IL12RB1: variants seen among roughly 807,000 people sequenced by gnomAD.
IL12RB1 encodes the protein interleukin 12 receptor subunit beta 1.
In IL12RB1, 64 loss-of-function variants were observed where a neutral mutation model predicts 94.4. That is an observed-to-expected ratio of 0.68 (90% CI 0.55 to 0.83). The LOEUF (loss-of-function observed/expected upper bound fraction) is 0.83. Ranked by LOEUF, IL12RB1 falls within the 40% of genes least tolerant of loss-of-function variation. The pLI is 0.00. For missense variants in IL12RB1, 814 were observed against 855.6 expected, an observed-to-expected ratio of 0.95 and a Z score of 0.61; for synonymous variants, 362 against 355.5, an observed-to-expected ratio of 1.02 and a Z score of -0.21.
At position 18,085,840 on chromosome 19, in the gene IL12RB1, C is replaced by T. The variant is rs537735228; in HGVS notation, c.64+920G>A. On this transcript the variant is annotated intron_variant, in intron 1 of 16. Coordinates refer to ENST00000593993, the MANE Select transcript of IL12RB1 (RefSeq NM_005535.3). ...GCCAGGCTGGTCTCGAACTCCTGAC[C>T]TCAAGTGATCCACCCATCTTGGCCT... is the stretch of plus-strand genomic sequence containing the variant. Among the ~76,000 whole-genome samples, 7 of 152,064 alleles carry T rather than the reference C, an allele frequency of 4.6e-5. No individual in the cohort carries two copies. In the South Asian group the frequency reaches 1.5e-3, roughly 32 times the overall value.
chr19:18,087,850 A>G (rs1164684740), upstream of IL12RB1, among the ~76,000 whole-genome samples: 1 of 152,056 alleles, frequency 6.6e-6, no homozygotes, highest in African/African-American at 2.4e-5. Context: ...TCTGAGACTC[A>G]AGAGCTGAAG....
chr19:18,075,095 A>G (rs1028837123), intron 7 of IL12RB1, among the ~76,000 whole-genome samples: 9 of 151,714 alleles, frequency 5.9e-5, no homozygotes, highest in African/African-American at 2.2e-4. Flanking sequence ...AAACAAAAAA[A>G]ACAGCAGCAA....
At chr19:18,065,811 T>C (rs1422719848) in intron 12 of IL12RB1, among the ~76,000 whole-genome samples, 2 of 146,258 alleles carry the variant, frequency 1.4e-5, no homozygotes, top group African/African-American at 2.6e-5. Flanking sequence ...AGAGACAGAC[T>C]CCCTCTCAAA....
chr19:18,066,569 G>A lies in IL12RB1; in HGVS notation c.1456C>T (p.Arg486Ter), dbSNP rs576374797. The change falls in exon 12 of 17, where the codon CGA (arginine) becomes TGA (stop). Residue 486 changes from arginine to a stop codon, truncating the protein, a stop_gained. Coordinates refer to ENST00000593993, the MANE Select transcript of IL12RB1 (RefSeq NM_005535.3). LOFTEE classifies it high-confidence loss of function. The stretch of plus-strand genomic sequence containing the variant: ...GACACCTGTTTGCTGTCTTCATCTC[G>A]GCAGCGGACAACATACTCCTTTAGG... The part of the protein sequence containing the change: ...GVLKEYVVRC[R>*]DEDSKQVSEH... The A allele has an allele frequency of 8.1e-6, 13 of 1,613,352 alleles. No individual in the cohort carries two copies. The highest frequency in any genetic ancestry group is 4.5e-5 in the East Asian group (2 of 44,878).
chr19:18,082,065 G>A (rs1438961778), intron 3 of IL12RB1, 85 bp downstream of exon 3: 20 of 795,604 alleles, frequency 2.5e-5, no homozygotes, highest in Middle Eastern at 2.7e-4. Flanking sequence ...CCAAGATCAC[G>A]CATCCGAGAG....
intron 12 of IL12RB1, 51 bp downstream of exon 12, chr19:18,066,491 G>A (rs1039041905): frequency 5.2e-6 from 7 of 1,337,014 alleles, no homozygotes; most frequent in Middle Eastern, 1.8e-4. Flanking sequence ...AGAGATCACA[G>A]GCCAGGATCC....
intron 1 of IL12RB1, among the ~76,000 whole-genome samples, chr19:18,085,013 A>G (rs549942695): frequency 1.3e-5 from 2 of 152,324 alleles, no homozygotes; most frequent in South Asian, 4.1e-4. Flanking sequence ...AGTCAGGGCA[A>G]TTATTAATAA....
At chr19:18,084,524 A>G (rs1210872930) in intron 1 of IL12RB1, among the ~76,000 whole-genome samples, 1 of 151,894 alleles carries the variant, frequency 6.6e-6, no homozygotes, top group African/African-American at 2.4e-5. Flanking sequence ...CCATGCATTC[A>G]TTAATCCATT....
At position 18,072,362 on chromosome 19, in the gene IL12RB1, T is replaced by C; in HGVS notation, c.784-13A>G. On this transcript the variant is annotated splice_polypyrimidine_tract_variant and intron_variant, in intron 8 of 16. Coordinates refer to ENST00000593993, the MANE Select transcript of IL12RB1 (RefSeq NM_005535.3). ...CCAGCTGGGTTGGCTGTCAGGAGTA[T>C]GAAAGACAGCTTGTGGGTACCTGAT... 6.4e-7 allele frequency: 1 copy of C among 1,559,612 alleles called. No individual in the cohort carries two copies.
rs17884957 is a variant in IL12RB1 at position 18,072,116 on chromosome 19, G to A, written c.1017C>T (p.His339=). Reference sequence around the variant, plus strand: ...CTCCCCACCCAGAGGAGGCACCTGTGTGGGTGTCGGCAGGAATGTGCCACG... The same window carrying A: ...CTCCCCACCCAGAGGAGGCACCTGTATGGGTGTCGGCAGGAATGTGCCACG... ...NQTWHIPADT[H]TEPVALNISV... is the part of the protein sequence containing the mutation. Residue 339 remains histidine, a synonymous_variant, in exon 9 of 17, where the codon CAC becomes CAT. Transcript: ENST00000593993. 3.7e-6 allele frequency: 6 copies of A among 1,610,106 alleles called. No individual in the cohort carries two copies. The highest frequency in any genetic ancestry group is 3.3e-5 in the Admixed American group (2 of 59,992).
intron 4 of IL12RB1, among the ~76,000 whole-genome samples, chr19:18,079,929 TGTAA>T (rs2035769791): frequency 6.6e-6 from 1 of 152,148 alleles, no homozygotes; most frequent in South Asian, 2.1e-4. Flanking sequence ...AGATTATACA[TGTAA>T]GTGAGATCAT....
intron 1 of IL12RB1, among the ~76,000 whole-genome samples, chr19:18,094,657 A>G (rs1035756021): frequency 1.3e-5 from 2 of 152,172 alleles, no homozygotes; most frequent in Non-Finnish European, 2.9e-5. Context: ...TGAGCCCAAG[A>G]TTTTGAGATC....
intron 12 of IL12RB1, among the ~76,000 whole-genome samples, chr19:18,065,737 T>C (rs1243601609): frequency 6.6e-6 from 1 of 152,010 alleles, no homozygotes; most frequent in African/African-American, 2.4e-5. Context: ...GAGAATTGCC[T>C]GAACCCGGGA....
Position 18,080,938 on chromosome 19 carries a change from G to T in IL12RB1, c.303C>A (p.Asp101Glu). Residue 101 changes from aspartate to glutamate, a missense_variant, in exon 4 of 17, where the codon GAC becomes GAA. By Grantham distance (45) the Asp-to-Glu change is conservative (BLOSUM62 2). Transcript: ENST00000593993. ...AGSATRLQFSDQAGVSVLYTV... is the reference protein window; with the variant it reads ...AGSATRLQFSEQAGVSVLYTV... ...TGTACAGCACAGACACCCCAGCCTGGTCGGAGAACTGCAGCCTGGTGGCTG... is the reference window on the plus strand; with the variant it reads ...TGTACAGCACAGACACCCCAGCCTGTTCGGAGAACTGCAGCCTGGTGGCTG... 6.2e-7 allele frequency: 1 copy of T among 1,614,034 alleles called. No homozygotes were observed. Among genetic ancestry groups the T allele is most frequent in the Non-Finnish European group, 8.5e-7 (1 of 1,179,954 alleles).
At chr19:18,085,693 T>G (rs543284322) in intron 1 of IL12RB1, among the ~76,000 whole-genome samples, 1 of 152,174 alleles carries the variant, frequency 6.6e-6, no homozygotes, top group South Asian at 2.1e-4. Context: ...CACTGCAACC[T>G]CTGCCTCCTG....
chr19:18,090,800 G>A (rs892539312), upstream of IL12RB1: 1 of 152,540 alleles, frequency 6.6e-6, no homozygotes, highest in African/African-American at 2.4e-5. Flanking sequence ...GGAGATACAG[G>A]GCTGGGGAGG....
chr19:18,067,537 C>T (rs1016579225), intron 11 of IL12RB1, among the ~76,000 whole-genome samples: 1 of 152,100 alleles, frequency 6.6e-6, no homozygotes, highest in Non-Finnish European at 1.5e-5. Flanking sequence ...GGCGCAGTGG[C>T]TCACACCTGT....
chr19:18,069,852 G>C, intron 9 of IL12RB1, 139 bp from the exon 10 acceptor site: 1 of 680,072 alleles, frequency 1.5e-6, no homozygotes, highest in Non-Finnish European at 2.6e-6. Context: ...GTGTTTGGCT[G>C]TTTCCCTGCA....
chr19:18,082,211 A>T lies in IL12RB1; in HGVS notation c.178T>A (p.Tyr60Asn). Residue 60 changes from tyrosine to asparagine, a missense_variant, in exon 3 of 17, where the codon TAC becomes AAC. By Grantham distance (143) the Tyr-to-Asn change is moderately radical (BLOSUM62 -2). Coordinates refer to ENST00000593993, the MANE Select transcript of IL12RB1 (RefSeq NM_005535.3). ...LRCYRISSDR[Y>N]ECSWQYEGPT... ...CCCTCATACTGCCAGGAGCACTCGTAACGATCACTGGATATCCGATAGCAT... is the reference window on the plus strand; with the variant it reads ...CCCTCATACTGCCAGGAGCACTCGTTACGATCACTGGATATCCGATAGCAT... 1 of 1,613,982 alleles carries T rather than the reference A, an allele frequency of 6.2e-7. No individual in the cohort carries two copies. The highest frequency in any genetic ancestry group is 8.5e-7 in the Non-Finnish European group (1 of 1,179,924).
Sources: gnomAD v4.1 joint callset for allele counts (sites outside exome capture counted in the v4.1 genomes callset) on GRCh38, gnomAD v4.1.1 for gene constraint, MANE v1.5 for transcripts, NCBI Gene and HGNC (gene_info 2026-07-23, HGNC 2026-07-21) for gene names.